ADAM23: variants seen among roughly 807,000 people sequenced by gnomAD.
The protein encoded by ADAM23 is disintegrin and metalloproteinase domain-containing protein 23.
In ADAM23, 33 loss-of-function variants were observed where a neutral mutation model predicts 120.1. The observed-to-expected ratio is 0.27, with a 90% CI of 0.21 to 0.37. The LOEUF (loss-of-function observed/expected upper bound fraction) is 0.37. ADAM23 is among the 10% of genes least tolerant of loss of function. The probability of loss-of-function intolerance (pLI) is 1.00; values close to 1 mark genes in which losing one functional copy is unlikely to be tolerated. For synonymous variants in ADAM23, 367 were observed against 375.2 expected (o/e 0.98, Z 0.25); for missense variants, 862 against 1,058.2 (o/e 0.81, Z 2.57).
intron 18 of ADAM23, among the ~76,000 whole-genome samples, chr2:206,581,622 G>A (rs1698219955): frequency 1.3e-5 from 2 of 152,080 alleles, no homozygotes; most frequent in South Asian, 2.1e-4. Context: ...ATTTATTGAG[G>A]CTTGTTTTAT....
chr2:206,552,556 A>G (rs1697552039), intron 9 of ADAM23, among the ~76,000 whole-genome samples: 1 of 152,158 alleles, frequency 6.6e-6, no homozygotes, highest in Admixed American at 6.5e-5. Context: ...GAAAATTTCT[A>G]CACACCATGT....
intron 2 of ADAM23, among the ~76,000 whole-genome samples, chr2:206,460,200 T>C (rs549458487): frequency 8.1e-4 from 124 of 152,306 alleles, no homozygotes; most frequent in African/African-American, 2.8e-3. Flanking sequence ...GGAAGTGCTC[T>C]TTATGTTTGT....
At chr2:206,461,954 G>T (rs1695429842) in intron 2 of ADAM23, among the ~76,000 whole-genome samples, 2 of 152,122 alleles carry the variant, frequency 1.3e-5, no homozygotes, top group Non-Finnish European at 2.9e-5. Context: ...AGGGACAAAA[G>T]AGCTTTTGCA....
chr2:206,556,823 A>G (rs1697653299), intron 9 of ADAM23, among the ~76,000 whole-genome samples: 1 of 152,116 alleles, frequency 6.6e-6, no homozygotes, highest in South Asian at 2.1e-4. Flanking sequence ...GGATATACTA[A>G]ATGCCTGGCA....
Position 206,543,323 on chromosome 2 carries a change from C to A in ADAM23, c.720+7C>A, listed in dbSNP as rs755129983. The stretch of plus-strand genomic sequence containing the variant: ...AGAGCTGGTTCATGATGAGGTGAGT[C>A]TATGCCATCAGTTGCCTGATGGCGT... On this transcript the variant is annotated splice_region_variant and intron_variant, in intron 6 of 25. Transcript: ENST00000264377. 1.2e-6 allele frequency: 2 copies of A among 1,612,578 alleles called. No individual in the cohort carries two copies. The highest frequency in any genetic ancestry group is 1.7e-6 in the Non-Finnish European group (2 of 1,178,766).
chr2:206,589,531 A>G lies in ADAM23; in HGVS notation c.1958+17A>G, dbSNP rs1421777763. 21 of 1,604,426 alleles carry G rather than the reference A, an allele frequency of 1.3e-5. No individual in the cohort carries two copies. The highest frequency in any genetic ancestry group is 4.0e-5 in the African/African-American group (3 of 74,738). The stretch of plus-strand genomic sequence containing the variant: ...CAGCAAACAGTGAGTGGTCAGCTCT[A>G]AGGGCATAGTCACTGGACTTGGAAG... On this transcript the variant is annotated intron_variant, in intron 21 of 25. Coordinates refer to ENST00000264377, the MANE Select transcript of ADAM23 (RefSeq NM_003812.4).
intron 2 of ADAM23, among the ~76,000 whole-genome samples, chr2:206,451,607 C>A (rs1384706655): frequency 1.3e-5 from 2 of 152,192 alleles, no homozygotes; most frequent in East Asian, 1.9e-4. Context: ...GTGACATAGG[C>A]ATTTATAGAC....
intron 24 of ADAM23, among the ~76,000 whole-genome samples, chr2:206,599,989 C>G (rs1230637658): frequency 6.6e-6 from 1 of 152,188 alleles, no homozygotes; most frequent in Non-Finnish European, 1.5e-5. Context: ...ATCACAAGGT[C>G]AGGAGATCGA....
At chr2:206,585,470 G>A (rs1044483865) in intron 18 of ADAM23, among the ~76,000 whole-genome samples, 2 of 152,206 alleles carry the variant, frequency 1.3e-5, no homozygotes, top group Non-Finnish European at 2.9e-5. Context: ...CTTTAGAAAG[G>A]TGTAGAACCA....
intron 2 of ADAM23, among the ~76,000 whole-genome samples, chr2:206,447,934 A>C (rs1304941954): frequency 6.6e-6 from 1 of 152,208 alleles, no homozygotes; most frequent in Admixed American, 6.5e-5. Context: ...AATTTCGTAA[A>C]TGTTCAATGT....
At chr2:206,474,060 C>T (rs894743620) in intron 2 of ADAM23, among the ~76,000 whole-genome samples, 4 of 151,384 alleles carry the variant, frequency 2.6e-5, no homozygotes, top group African/African-American at 7.3e-5. Flanking sequence ...AACTAACTCT[C>T]CTATACTAAT....
At chr2:206,616,426 T>C (rs1444870082) in intron 25 of ADAM23, among the ~76,000 whole-genome samples, 1 of 152,242 alleles carries the variant, frequency 6.6e-6, no homozygotes, top group African/African-American at 2.4e-5. Flanking sequence ...GACGTTTTAA[T>C]GTAAACTTTA....
At chr2:206,590,250 A>G (rs542326372) in intron 21 of ADAM23, among the ~76,000 whole-genome samples, 1 of 152,126 alleles carries the variant, frequency 6.6e-6, no homozygotes, top group Non-Finnish European at 1.5e-5. Context: ...GGCATCTGCC[A>G]CCATGCCCGG....
chr2:206,543,346 C>T (rs1697331749), intron 6 of ADAM23, 30 bp downstream of exon 6: 3 of 1,569,254 alleles, frequency 1.9e-6, no homozygotes, highest in Non-Finnish European at 2.6e-6. Context: ...TGCCTGATGG[C>T]GTTCTACTCC....
intron 18 of ADAM23, among the ~76,000 whole-genome samples, chr2:206,581,869 C>T (rs1164939454): frequency 2.7e-5 from 4 of 150,726 alleles, no homozygotes; most frequent in Non-Finnish European, 5.9e-5. Flanking sequence ...CTTTCTCTTC[C>T]TTCCTTCCTT....
At chr2:206,601,980 A>C (rs1434629653) in intron 24 of ADAM23, among the ~76,000 whole-genome samples, 1 of 152,054 alleles carries the variant, frequency 6.6e-6, no homozygotes, top group Non-Finnish European at 1.5e-5. Flanking sequence ...TTGAAGTCTT[A>C]TTTTCTGAGG....
chr2:206,560,702 T>C lies in ADAM23; in HGVS notation c.1170-426T>C, dbSNP rs1012106891. ...ATTTTCAGATAGTCCTCTAAGGTTC[T>C]GTCCTGGAATCAAACCAACCAAACC... On this transcript the variant is annotated intron_variant, in intron 11 of 25. Coordinates refer to ENST00000264377, the MANE Select transcript of ADAM23 (RefSeq NM_003812.4). Among the ~76,000 whole-genome samples the C allele has an allele frequency of 2.0e-5, 3 of 152,244 alleles. No individual in the cohort carries two copies. In the South Asian group the frequency reaches 6.2e-4, roughly 31 times the overall value.
chr2:206,456,112 G>T (rs904363312), intron 2 of ADAM23, among the ~76,000 whole-genome samples: 34 of 152,132 alleles, frequency 2.2e-4, no homozygotes, highest in African/African-American at 7.0e-4. Flanking sequence ...GGTAATTTAT[G>T]AAGAAAAGAA....
chr2:206,463,782 G>T (rs567336779), intron 2 of ADAM23, among the ~76,000 whole-genome samples: 1 of 152,230 alleles, frequency 6.6e-6, no homozygotes, highest in Non-Finnish European at 1.5e-5. Flanking sequence ...CAGGTAAATG[G>T]TATGTAGAGA....
Sources: allele counts gnomAD v4.1 joint callset (sites outside exome capture counted in the v4.1 genomes callset), GRCh38; gene constraint gnomAD v4.1.1; transcripts MANE v1.5; gene names NCBI Gene and HGNC (gene_info 2026-07-23, HGNC 2026-07-21).